Variants in LATS2 observed in about 807,000 individuals in gnomAD.
The protein encoded by LATS2 is serine/threonine-protein kinase LATS2.
Under a neutral mutation model 76.0 loss-of-function variants are expected in LATS2, and 24 were observed. The ratio of observed to expected loss-of-function variants is 0.32; its 90% CI spans 0.23 to 0.44. The LOEUF (loss-of-function observed/expected upper bound fraction) is 0.44. LATS2 is among the 20% of genes least tolerant of loss of function. The probability of loss-of-function intolerance (pLI) is 1.00; values close to 1 mark genes in which losing one functional copy is unlikely to be tolerated. For synonymous variants in LATS2, 692 were observed against 635.4 expected (o/e 1.09, Z -1.34); for missense variants, 1,286 against 1,481.2 (o/e 0.87, Z 2.16).
intron 2 of LATS2, among the ~76,000 whole-genome samples, chr13:21,005,968 C>A (rs1038982648): frequency 6.6e-6 from 1 of 151,920 alleles, no homozygotes; most frequent in Non-Finnish European, 1.5e-5. Context: ...ACAAAATTAG[C>A]CGGGAGTGGT....
intron 2 of LATS2, among the ~76,000 whole-genome samples, chr13:21,039,237 GTTTC>G (rs1345373440): frequency 1.3e-5 from 2 of 152,116 alleles, no homozygotes; most frequent in Admixed American, 1.3e-4. Context: ...AAACTTAAGT[GTTTC>G]TTTCTTCCTT....
At chr13:20,983,179 G>T (rs1290702114) in intron 5 of LATS2, 45 bp downstream of exon 5, 1 of 1,361,708 alleles carries the variant, frequency 7.3e-7, no homozygotes, top group Admixed American at 1.9e-5. Context: ...TGGGGTTAGT[G>T]ACATCTACAC....
intron 1 of LATS2, among the ~76,000 whole-genome samples, chr13:21,049,611 G>A (rs1027585068): frequency 2.6e-5 from 4 of 152,198 alleles, no homozygotes; most frequent in Admixed American, 1.3e-4. Context: ...GGGCACAGAA[G>A]GGGCAAGCTG....
At chr13:21,057,762 T>C (rs1873494681) in intron 1 of LATS2, among the ~76,000 whole-genome samples, 1 of 152,082 alleles carries the variant, frequency 6.6e-6, no homozygotes, top group African/African-American at 2.4e-5. Flanking sequence ...ATTGTGCCAC[T>C]GCACTCCAGC....
At chr13:21,025,370 C>T (rs564235423) in intron 2 of LATS2, among the ~76,000 whole-genome samples, 1 of 137,514 alleles carries the variant, frequency 7.3e-6, no homozygotes, top group East Asian at 2.0e-4. Context: ...CCAGCCTGGG[C>T]GACAAGAGTG....
chr13:21,000,816 A>C (rs1196252493), intron 2 of LATS2, among the ~76,000 whole-genome samples: 3 of 152,252 alleles, frequency 2.0e-5, no homozygotes, highest in Non-Finnish European at 4.4e-5. Flanking sequence ...TCAATAGTGT[A>C]AACAACATGA....
At chr13:20,980,316 C>T (rs1322575902) in intron 6 of LATS2, among the ~76,000 whole-genome samples, 1 of 152,196 alleles carries the variant, frequency 6.6e-6, no homozygotes, top group Non-Finnish European at 1.5e-5. Flanking sequence ...CCGGGCCTTC[C>T]TCACGGGGCT....
At chr13:20,987,212 A>T (rs1870191811) in intron 4 of LATS2, among the ~76,000 whole-genome samples, 2 of 102,292 alleles carry the variant, frequency 2.0e-5, no homozygotes, top group African/African-American at 6.9e-5. Context: ...ATTAAAAAAT[A>T]AAAAATAAAA....
chr13:21,020,437 T>C (rs962430194), intron 2 of LATS2, among the ~76,000 whole-genome samples: 1 of 152,188 alleles, frequency 6.6e-6, no homozygotes, highest in Admixed American at 6.5e-5. Flanking sequence ...CACAGGGCAA[T>C]TTACCCAGGA....
chr13:21,030,853 A>G (rs1321425954), intron 2 of LATS2, among the ~76,000 whole-genome samples: 1 of 151,980 alleles, frequency 6.6e-6, no homozygotes, highest in African/African-American at 2.4e-5. Context: ...ATCCTTTAGC[A>G]TTTTTCCCCC....
chr13:20,973,625 A>G lies in LATS2; in HGVS notation c.*1245T>C, dbSNP rs544655177. On this transcript the variant is annotated 3_prime_UTR_variant, in exon 8 of 8. Coordinates refer to ENST00000382592, the MANE Select transcript of LATS2 (RefSeq NM_014572.3). ...TTTTGAAGAATCTTTGCTTTTTTACAAAGGTTAGGAATATGTATTGTTTAA... is the reference window on the plus strand; with the variant it reads ...TTTTGAAGAATCTTTGCTTTTTTACGAAGGTTAGGAATATGTATTGTTTAA... The G allele has an allele frequency of 8.6e-6, 2 of 232,246 alleles. No individual in the cohort carries two copies. Among genetic ancestry groups the G allele is most frequent in the South Asian group, 3.6e-4 (2 of 5,510 alleles). The allele number at this position is 232,246 out of a possible 1,614,324, so 14.4% of individuals were successfully genotyped here. A position where few individuals can be genotyped will look rare whatever the true frequency, so the allele number is the denominator to read the frequency against.
intron 2 of LATS2, among the ~76,000 whole-genome samples, chr13:20,999,609 T>C (rs1363586448): frequency 6.6e-6 from 1 of 151,972 alleles, no homozygotes. Flanking sequence ...CAGGAGCCAG[T>C]ATGCTTGGCT....
At chr13:20,980,352 C>T (rs1869816341) in intron 6 of LATS2, among the ~76,000 whole-genome samples, 1 of 152,182 alleles carries the variant, frequency 6.6e-6, no homozygotes, top group African/African-American at 2.4e-5. Context: ...TCAGGGCTGG[C>T]CTCTGGGAGG....
Position 20,983,597 on chromosome 13 carries a change from A to C in LATS2, c.2109T>G (p.Asp703Glu). Residue 703 changes from aspartate (D) to glutamate (E), a missense_variant, in exon 5 of 8, where the codon GAT (aspartate) becomes GAG (glutamate). This residue lies in a region of LATS2 where 247 missense variants were observed against 385.4 expected (regional missense o/e 0.64). Coordinates refer to ENST00000382592, the MANE Select transcript of LATS2 (RefSeq NM_014572.3). The part of the protein sequence containing the change: ...LYAMKTLRKK[D>E]VLNRNQVAHV... ...GGGCCACCTGATTCCGGTTCAGGAC[A>C]TCCTTTTTCCTTAGGGTCTTCATGG... 6.2e-7 allele frequency: 1 copy of C among 1,614,076 alleles called. No homozygotes were observed.
intron 1 of LATS2, among the ~76,000 whole-genome samples, chr13:21,056,521 C>CATT (rs1179294573): frequency 1.1e-4 from 16 of 152,182 alleles, no homozygotes; most frequent in Admixed American, 1.0e-3. Flanking sequence ...GTTGCAGATA[C>CATT]ATTATTAGTT....
At position 20,981,547 on chromosome 13, in the gene LATS2, G is replaced by C; in HGVS notation, c.2584C>G (p.Arg862Gly). The change falls in exon 6 of 8, where the codon CGG becomes GGG. Residue 862 changes from arginine (R) to glycine (G), a missense_variant. By Grantham distance (125) the Arg-to-Gly change is moderately radical (BLOSUM62 -2). This residue lies in a region of LATS2 where 247 missense variants were observed against 385.4 expected (regional missense o/e 0.64). Transcript: ENST00000382592. Reference sequence around the variant, plus strand: ...GCCAGGCACCTCTGGTGCTGCTTCCGCGCCCTCTGCTCTAGGGTCTTCAGC... The same window carrying C: ...GCCAGGCACCTCTGGTGCTGCTTCCCCGCCCTCTGCTCTAGGGTCTTCAGC... The part of the protein sequence containing the change: ...DRLKTLEQRA[R>G]KQHQRCLAHS... The C allele has an allele frequency of 1.9e-6, 3 of 1,614,134 alleles. No individual in the cohort carries two copies. The highest frequency in any genetic ancestry group is 1.7e-6 in the Non-Finnish European group (2 of 1,180,018).
At chr13:21,056,142 T>C (rs570666613) in intron 1 of LATS2, among the ~76,000 whole-genome samples, 1 of 152,176 alleles carries the variant, frequency 6.6e-6, no homozygotes, top group Non-Finnish European at 1.5e-5. Flanking sequence ...TGGGTCTTTT[T>C]TTTTGGTGGG....
rs1485726070 is a variant in LATS2 at position 21,048,197 on chromosome 13, G to A, written c.-204-1967C>T. On this transcript the variant is annotated intron_variant, in intron 1 of 7. Coordinates refer to ENST00000382592, the MANE Select transcript of LATS2 (RefSeq NM_014572.3). Reference sequence around the variant, plus strand: ...TTGAAATACCTAACTTTGTAAAACCGTAACTTCACATTCCGACAAAAACGG... The same window carrying A: ...TTGAAATACCTAACTTTGTAAAACCATAACTTCACATTCCGACAAAAACGG... Among the ~76,000 whole-genome samples, 5 of 152,146 alleles carry A rather than the reference G, an allele frequency of 3.3e-5. No individual in the cohort carries two copies. The South Asian group carries it at 6.2e-4, about 19-fold the overall frequency.
chr13:21,033,368 C>G (rs1406514972), intron 2 of LATS2, among the ~76,000 whole-genome samples: 2 of 151,934 alleles, frequency 1.3e-5, no homozygotes, highest in Admixed American at 1.3e-4. Context: ...TCAGCTGAGT[C>G]CCTGCTGACT....
Sources: gnomAD v4.1 joint callset for allele counts (sites outside exome capture counted in the v4.1 genomes callset) on GRCh38, gnomAD v4.1.1 for gene constraint, gnomAD v4.1.1 regional missense constraint, MANE v1.5 for transcripts, NCBI Gene and HGNC (gene_info 2026-07-23, HGNC 2026-07-21) for gene names.